CAMTA1: variants seen among roughly 807,000 people sequenced by gnomAD.
The protein encoded by CAMTA1 is calmodulin binding transcription activator 1.
In CAMTA1, 27 loss-of-function variants were observed where a neutral mutation model predicts 170.9. The observed-to-expected ratio is 0.16, with a 90% CI of 0.12 to 0.22. The LOEUF (loss-of-function observed/expected upper bound fraction) is 0.22, where lower values mean the gene tolerates loss of function less well. Among genes scored for constraint, CAMTA1 ranks in the 10% least tolerant of loss-of-function variants. CAMTA1 has a pLI of 1.00. For missense variants in CAMTA1, 1,619 were observed against 2,217.2 expected, an observed-to-expected ratio of 0.73 and a Z score of 5.42; for synonymous variants, 833 against 891.5, an observed-to-expected ratio of 0.93 and a Z score of 1.17.
chr1:7,535,193 C>A (rs2094535258), intron 6 of CAMTA1, among the ~76,000 whole-genome samples: 1 of 152,186 alleles, frequency 6.6e-6, no homozygotes, highest in African/African-American at 2.4e-5. Flanking sequence ...GAACGAATGA[C>A]TCTGGTGACA....
intron 9 of CAMTA1, among the ~76,000 whole-genome samples, chr1:7,670,654 G>A (rs1336121638): frequency 6.6e-6 from 1 of 152,218 alleles, no homozygotes; most frequent in Non-Finnish European, 1.5e-5. Context: ...AGAAGGTCAG[G>A]GGTTGGAGCT....
At chr1:7,747,232 T>C (rs1345597521) in intron 18 of CAMTA1, among the ~76,000 whole-genome samples, 1 of 152,170 alleles carries the variant, frequency 6.6e-6, no homozygotes, top group Non-Finnish European at 1.5e-5. Flanking sequence ...GGGGGCTGAC[T>C]CCAGGCAGCC....
intron 5 of CAMTA1, among the ~76,000 whole-genome samples, chr1:7,271,272 G>A (rs1415291501): frequency 1.3e-5 from 2 of 152,094 alleles, no homozygotes; most frequent in Non-Finnish European, 2.9e-5. Context: ...CAAGAAGCTC[G>A]CCACCTACAA....
chr1:7,502,232 G>T (rs893713871), intron 6 of CAMTA1, among the ~76,000 whole-genome samples: 1 of 152,222 alleles, frequency 6.6e-6, no homozygotes, highest in Non-Finnish European at 1.5e-5. Flanking sequence ...CACCCCTCCA[G>T]ACCCTGGCCA....
chr1:7,216,295 C>T lies in CAMTA1; in HGVS notation c.303-33196C>T, dbSNP rs761977565. 7.2e-5 allele frequency among the ~76,000 whole-genome samples: 11 copies of T among 152,172 alleles called. No individual in the cohort carries two copies. The highest frequency in any genetic ancestry group is 1.5e-4 in the Non-Finnish European group (10 of 68,032). ...GCTCTTCCTCCAACACTGGGGATTA[C>T]AGTTTGACATGAGATTTGGGTGGGG... On this transcript the variant is annotated intron_variant, in intron 4 of 22. Transcript: ENST00000303635. The surrounding 1 kb of genome is among the most constrained non-coding windows in gnomAD (Gnocchi z 4.0).
In CAMTA1 at chr1:7,065,898, A is replaced by G. The variant is rs1708896551; in HGVS notation, c.235-25406A>G. On this transcript the variant is annotated intron_variant, in intron 3 of 22. Coordinates refer to ENST00000303635, the MANE Select transcript of CAMTA1 (RefSeq NM_015215.4). This position sits in a 1 kb window ranked among gnomAD's most constrained non-coding sequence, Gnocchi z 5.2. ...AGTCTTAAGACTGGGTGTGAAATGG[A>G]GAAGAACGCAGCACTGGCTTAAACT... Among the ~76,000 whole-genome samples the G allele has an allele frequency of 6.6e-6, 1 of 152,116 alleles. No individual in the cohort carries two copies. Among genetic ancestry groups the G allele is most frequent in the African/African-American group, 2.4e-5 (1 of 41,440 alleles).
At chr1:7,228,695 G>A (rs965774632) in intron 4 of CAMTA1, among the ~76,000 whole-genome samples, 2 of 152,226 alleles carry the variant, frequency 1.3e-5, no homozygotes, top group South Asian at 2.1e-4. Flanking sequence ...CGGCACAGGA[G>A]GGGTGAGAAC....
chr1:7,506,702 C>T (rs1750853), intron 6 of CAMTA1, among the ~76,000 whole-genome samples: 47,870 of 151,754 alleles, frequency 0.32, 7,635 homozygotes, highest in Middle Eastern at 0.48. Flanking sequence ...GAAATGCACA[C>T]TCACACGCTC....
intron 3 of CAMTA1, among the ~76,000 whole-genome samples, chr1:6,913,456 G>T (rs1680133451): frequency 6.6e-6 from 1 of 152,172 alleles, no homozygotes; most frequent in Non-Finnish European, 1.5e-5. Flanking sequence ...TGGTAACGAG[G>T]CATTCTTCCC....
chr1:6,909,229 T>A (rs1212654242), intron 3 of CAMTA1, among the ~76,000 whole-genome samples: 1 of 152,164 alleles, frequency 6.6e-6, no homozygotes, highest in African/African-American at 2.4e-5. Flanking sequence ...TTTTAATAAT[T>A]TAGATGAAAG....
chr1:6,969,743 TC>T (rs1418008288), intron 3 of CAMTA1, among the ~76,000 whole-genome samples: 13 of 152,252 alleles, frequency 8.5e-5, no homozygotes, highest in Non-Finnish European at 1.9e-4. Flanking sequence ...TTAAACTTCA[TC>T]CACATTCCTC....
intron 4 of CAMTA1, among the ~76,000 whole-genome samples, chr1:7,204,747 C>T (rs1434340439): frequency 6.7e-6 from 1 of 148,328 alleles, no homozygotes; most frequent in Non-Finnish European, 1.5e-5. Context: ...TGAACCTGGA[C>T]TATTAGAGTC....
intron 5 of CAMTA1, among the ~76,000 whole-genome samples, chr1:7,277,456 G>GGTGTGTGT (rs57970990): frequency 0.035 from 4,742 of 135,246 alleles, 94 homozygotes; most frequent in South Asian, 0.043. Context: ...TCCAAGCAAT[G>GGTGTGTGT]GTGTGTGTGT....
chr1:6,973,366 A>G (rs72856225), intron 3 of CAMTA1, among the ~76,000 whole-genome samples: 1,601 of 152,266 alleles, frequency 0.011, 28 homozygotes, highest in African/African-American at 0.037. Flanking sequence ...CATAAGGAGA[A>G]TCATGCAGCA....
chr1:7,468,048 G>A, intron 6 of CAMTA1, 147 bp downstream of exon 6: 1 of 687,258 alleles, frequency 1.5e-6, no homozygotes, highest in Non-Finnish European at 2.6e-6. Flanking sequence ...GGCTGTTGCG[G>A]CACTGAGGCC....
At chr1:6,943,846 C>CAAAAAAAAAAAAAAA (rs1198830005) in intron 3 of CAMTA1, among the ~76,000 whole-genome samples, 1 of 51,700 alleles carries the variant, frequency 1.9e-5, no homozygotes. Flanking sequence ...GACTCTGTCT[C>CAAAAAAAAAAAAAAA]AAAAAAAAAA....
chr1:7,428,900 T>C (rs1224278213), intron 5 of CAMTA1, among the ~76,000 whole-genome samples: 1 of 152,228 alleles, frequency 6.6e-6, no homozygotes, highest in African/African-American at 2.4e-5. Context: ...TGTTTATTAT[T>C]AAATGTTATT....
At chr1:7,207,057 T>C (rs1657872091) in intron 4 of CAMTA1, among the ~76,000 whole-genome samples, 1 of 152,214 alleles carries the variant, frequency 6.6e-6, no homozygotes, top group African/African-American at 2.4e-5. Flanking sequence ...TTAAACACTT[T>C]ATTAGCTGAG....
In CAMTA1 at chr1:7,065,414, T is replaced by C. The variant is rs2101813364; in HGVS notation, c.235-25890T>C. ...CCAGCGGGAAGTTTTGTAGTGAATA[T>C]AGAGGAGACGAAAAAGAATGGGGAT... On this transcript the variant is annotated intron_variant, in intron 3 of 22. Coordinates refer to ENST00000303635, the MANE Select transcript of CAMTA1 (RefSeq NM_015215.4). The surrounding 1 kb of genome is among the most constrained non-coding windows in gnomAD (Gnocchi z 5.2). Among the ~76,000 whole-genome samples, 1 of 151,886 alleles carries C rather than the reference T, an allele frequency of 6.6e-6. No individual in the cohort carries two copies. Among genetic ancestry groups the C allele is most frequent in the East Asian group, 1.9e-4 (1 of 5,170 alleles).
Sources: gnomAD v4.1 joint callset for allele counts (sites outside exome capture counted in the v4.1 genomes callset) on GRCh38, gnomAD v4.1.1 for gene constraint, Gnocchi (gnomAD v3.1) non-coding constraint, MANE v1.5 for transcripts, NCBI Gene and HGNC (gene_info 2026-07-23, HGNC 2026-07-21) for gene names.